The following GPR158 variants were observed in gnomAD, a reference collection of about 807,000 sequenced individuals.
GPR158 encodes G protein-coupled receptor 158, also known as metabotropic glycine receptor.
GPR158 carries 30 observed loss-of-function variants against 78.2 expected under a neutral mutation model. The ratio of observed to expected loss-of-function variants is 0.38; its 90% CI spans 0.29 to 0.52. GPR158 has a LOEUF of 0.52. Among genes scored for constraint, GPR158 ranks in the 20% least tolerant of loss-of-function variants. The pLI, the probability that GPR158 is intolerant of heterozygous loss-of-function variation, is 0.83. For missense variants in GPR158, 1,463 were observed against 1,523.5 expected, an observed-to-expected ratio of 0.96 and a Z score of 0.66; for synonymous variants, 581 against 591.1, an observed-to-expected ratio of 0.98 and a Z score of 0.25.
At chr10:25,198,410 G>A (rs1852872147) in intron 1 of GPR158, among the ~76,000 whole-genome samples, 1 of 152,128 alleles carries the variant, frequency 6.6e-6, no homozygotes, top group South Asian at 2.1e-4. Flanking sequence ...CTTGCTTTCA[G>A]ACTTGCTGTA....
At chr10:25,317,873 C>T (rs181363085) in intron 2 of GPR158, among the ~76,000 whole-genome samples, 2 of 152,168 alleles carry the variant, frequency 1.3e-5, no homozygotes, top group African/African-American at 2.4e-5. Flanking sequence ...GGATTACAGG[C>T]ATGTGCCACC....
intron 5 of GPR158, among the ~76,000 whole-genome samples, chr10:25,489,598 T>A (rs1835777879): frequency 1.3e-5 from 2 of 152,280 alleles, no homozygotes; most frequent in African/African-American, 4.8e-5. Context: ...CTCAACTCTC[T>A]ACCCCTAGCT....
chr10:25,513,781 G>T (rs151137704), intron 5 of GPR158, among the ~76,000 whole-genome samples: 21 of 152,146 alleles, frequency 1.4e-4, no homozygotes, highest in African/African-American at 5.1e-4. Context: ...TTGACCCAAT[G>T]ATCATTCAGT....
At chr10:25,286,013 TTCTG>T (rs1390603469) in intron 2 of GPR158, among the ~76,000 whole-genome samples, 2 of 152,238 alleles carry the variant, frequency 1.3e-5, no homozygotes, top group East Asian at 1.9e-4. Context: ...TTATCATTGT[TTCTG>T]TCTATGTAAT....
At chr10:25,362,133 A>G (rs1855649656) in intron 2 of GPR158, among the ~76,000 whole-genome samples, 1 of 151,896 alleles carries the variant, frequency 6.6e-6, no homozygotes, top group Non-Finnish European at 1.5e-5. Flanking sequence ...TTTTGAGTTA[A>G]TATATATGGC....
intron 5 of GPR158, among the ~76,000 whole-genome samples, chr10:25,541,484 A>G (rs1338081380): frequency 6.6e-6 from 1 of 152,084 alleles, no homozygotes; most frequent in Non-Finnish European, 1.5e-5. Flanking sequence ...CTACACCAAA[A>G]TCATGAAGAG....
intron 5 of GPR158, among the ~76,000 whole-genome samples, chr10:25,504,102 G>A (rs1473172776): frequency 6.6e-6 from 1 of 151,906 alleles, no homozygotes; most frequent in East Asian, 1.9e-4. Flanking sequence ...TATCAGCCAG[G>A]CTAGTCTCAA....
Position 25,598,859 on chromosome 10 carries a change from G to A in GPR158, c.3233G>A (p.Gly1078Asp), listed in dbSNP as rs1837451578. ...KAEVCLWESQ[G>D]QSILEDEKLL... The stretch of plus-strand genomic sequence containing the variant: ...GAAGTATGCCTTTGGGAGAGCCAAG[G>A]CCAGTCCATTTTGGAAGATGAGAAG... Residue 1078 changes from glycine to aspartate, a missense_variant, in exon 11 of 11, where the codon GGC becomes GAC. Coordinates refer to ENST00000376351, the MANE Select transcript of GPR158 (RefSeq NM_020752.3). The A allele has an allele frequency of 6.2e-7, 1 of 1,614,112 alleles. No individual in the cohort carries two copies. Among genetic ancestry groups the A allele is most frequent in the Non-Finnish European group, 8.5e-7 (1 of 1,180,022 alleles).
intron 2 of GPR158, among the ~76,000 whole-genome samples, chr10:25,297,976 G>C (rs1854539681): frequency 6.6e-6 from 1 of 152,214 alleles, no homozygotes; most frequent in Non-Finnish European, 1.5e-5. Flanking sequence ...GCTTGGGCAA[G>C]GAACTTAGCA....
chr10:25,336,473 ACTTTCCC>A lies in GPR158; in HGVS notation c.1009-59436_1009-59430del, dbSNP rs1372899881. 2.6e-5 allele frequency among the ~76,000 whole-genome samples: 4 copies of A among 151,936 alleles called. No homozygotes were observed. In the East Asian group the frequency reaches 7.8e-4, roughly 30 times the overall value. On this transcript the variant is annotated intron_variant, in intron 2 of 10. Coordinates refer to ENST00000376351, the MANE Select transcript of GPR158 (RefSeq NM_020752.3). ...GAATTCTAATTCTATTCAGGTATCT[ACTTTCCC>A]CCCAGTGCCTCAGGGTTAGACTCTG...
intron 1 of GPR158, among the ~76,000 whole-genome samples, chr10:25,190,652 C>CT (rs1457008097): frequency 6.6e-6 from 1 of 152,106 alleles, no homozygotes; most frequent in African/African-American, 2.4e-5. Context: ...TTATTTAAAG[C>CT]TTTAATAAGC....
intron 5 of GPR158, among the ~76,000 whole-genome samples, chr10:25,549,888 A>G (rs762703880): frequency 5.3e-5 from 8 of 152,144 alleles, no homozygotes; most frequent in Non-Finnish European, 1.0e-4. Flanking sequence ...GAAAAACAAA[A>G]TCATACTCAG....
chr10:25,446,657 C>T (rs552825170), intron 4 of GPR158, among the ~76,000 whole-genome samples: 28 of 152,252 alleles, frequency 1.8e-4, no homozygotes, highest in African/African-American at 6.7e-4. Context: ...AAACCAGAAA[C>T]ATTCTATTTA....
intron 9 of GPR158, among the ~76,000 whole-genome samples, chr10:25,596,236 A>G (rs947045787): frequency 3.3e-5 from 5 of 152,158 alleles, no homozygotes; most frequent in African/African-American, 1.2e-4. Context: ...CCAGTGGCGT[A>G]TGATATTTTG....
rs1288271874 is a variant in GPR158, at chr10:25,367,629, T to C, written c.1009-28282T>C. Among the ~76,000 whole-genome samples, 3 of 148,166 alleles carry C rather than the reference T, an allele frequency of 2.0e-5. No individual in the cohort carries two copies. In the Admixed American group the frequency reaches 2.0e-4, roughly 10 times the overall value. On this transcript the variant is annotated intron_variant, in intron 2 of 10. Transcript: ENST00000376351. ...AGAATATCCTTCCATTCATATTTTC[T>C]TTAATTTATCTCAGTAAGGTGGGGT...
intron 5 of GPR158, among the ~76,000 whole-genome samples, chr10:25,470,387 GTTC>G (rs1033789271): frequency 4.5e-4 from 69 of 151,988 alleles, no homozygotes; most frequent in African/African-American, 1.6e-3. Flanking sequence ...GGCCCTTTTT[GTTC>G]TTCTCCCTTC....
intron 5 of GPR158, among the ~76,000 whole-genome samples, chr10:25,546,277 A>G (rs1326292031): frequency 6.6e-6 from 1 of 152,136 alleles, no homozygotes; most frequent in Non-Finnish European, 1.5e-5. Context: ...TGAGAAGCCT[A>G]ATAGTCTTCT....
At chr10:25,395,434 A>C (rs1254734285) in intron 2 of GPR158, among the ~76,000 whole-genome samples, 1 of 152,108 alleles carries the variant, frequency 6.6e-6, no homozygotes, top group Admixed American at 6.6e-5. Context: ...CCAGGATAAA[A>C]TTTGATGACT....
In GPR158 at chr10:25,572,665, C is replaced by A. The variant is rs751585131; in HGVS notation, c.1531C>A (p.Leu511Ile). 1.2e-6 allele frequency: 2 copies of A among 1,612,352 alleles called. No homozygotes were observed. The highest frequency in any genetic ancestry group is 1.7e-6 in the Non-Finnish European group (2 of 1,178,382). ...LKLHRVLKVFLSRTAQRIPYM... is the reference protein window; with the variant it reads ...LKLHRVLKVFISRTAQRIPYM... ...CTTTTCTAGGGTTTTGAAGGTGTTT[C>A]TTTCACGAACGGCTCAACGAATTCC... The change falls in exon 7 of 11, where the codon CTT (leucine) becomes ATT (isoleucine). Residue 511 changes from leucine to isoleucine, a missense_variant. Leu to Ile is a conservative substitution (Grantham distance 5). Transcript: ENST00000376351.
Sources: allele counts gnomAD v4.1 joint callset (sites outside exome capture counted in the v4.1 genomes callset), GRCh38; gene constraint gnomAD v4.1.1; transcripts MANE v1.5; gene names NCBI Gene and HGNC (gene_info 2026-07-23, HGNC 2026-07-21).